HNF1B: variants seen among roughly 807,000 people sequenced by gnomAD.
The protein encoded by HNF1B is HNF1 homeobox B.
A neutral mutation model predicts 61.7 loss-of-function variants in HNF1B; 8 were observed. The observed-to-expected ratio is 0.13, with a 90% CI of 0.08 to 0.23. The LOEUF (loss-of-function observed/expected upper bound fraction) is 0.23. HNF1B is among the 10% of genes least tolerant of loss of function. HNF1B has a pLI of 1.00. For synonymous variants in HNF1B, 314 were observed against 287.7 expected (o/e 1.09, Z -0.93); for missense variants, 562 against 714.5 (o/e 0.79, Z 2.43).
intron 4 of HNF1B, among the ~76,000 whole-genome samples, chr17:37,726,959 A>ACCCCTCCT (rs1202451962): frequency 6.6e-6 from 1 of 151,748 alleles, no homozygotes; most frequent in Non-Finnish European, 1.5e-5. Flanking sequence ...AAGACCTTTT[A>ACCCCTCCT]CCCCTCCTCT....
chr17:37,713,960 T>C (rs1049254362), intron 4 of HNF1B, among the ~76,000 whole-genome samples: 1 of 152,192 alleles, frequency 6.6e-6, no homozygotes, highest in Non-Finnish European at 1.5e-5. Flanking sequence ...TCCTCCTATA[T>C]TTCAAAAACT....
intron 4 of HNF1B, 123 bp from the exon 5 acceptor site, chr17:37,710,786 TC>T: frequency 1.1e-6 from 1 of 888,588 alleles, no homozygotes; most frequent in Non-Finnish European, 1.8e-6. Flanking sequence ...TCCTCCCCTG[TC>T]CACCCACAAG....
At chr17:37,709,782 C>G (rs2032872246) in intron 5 of HNF1B, among the ~76,000 whole-genome samples, 1 of 152,140 alleles carries the variant, frequency 6.6e-6, no homozygotes, top group Non-Finnish European at 1.5e-5. Flanking sequence ...GCTCATGCCC[C>G]CACCAAGTCT....
chr17:37,702,533 T>C (rs2147451204), intron 6 of HNF1B, among the ~76,000 whole-genome samples: 1 of 152,318 alleles, frequency 6.6e-6, no homozygotes, highest in East Asian at 1.9e-4. Flanking sequence ...ATGACCGTGT[T>C]TCCCTTTCCT....
intron 4 of HNF1B, among the ~76,000 whole-genome samples, chr17:37,713,312 C>A (rs17138478): frequency 0.11 from 17,018 of 152,164 alleles, 1,193 homozygotes; most frequent in East Asian, 0.26. Context: ...AAATATGGGT[C>A]ACAAGGAGGC....
intron 4 of HNF1B, chr17:37,720,817 G>C: frequency 1.0e-6 from 1 of 985,210 alleles, no homozygotes; most frequent in Non-Finnish European, 1.2e-6. Context: ...GAGACTTCAG[G>C]GACCTTCTTC....
chr17:37,687,180 G>A lies in HNF1B; in HGVS notation c.*192C>T, dbSNP rs560854033. 1.2e-6 allele frequency: 1 copy of A among 831,192 alleles called. No individual in the cohort carries two copies. The highest frequency in any genetic ancestry group is 2.6e-5 in the East Asian group (1 of 37,828). The allele number at this position is 831,192 out of a possible 1,614,324, so 51.5% of individuals were successfully genotyped here. ...CATTGTGGCAATACTGCATAGAAGGGAAACTGGGCTTCGGGCTGCGCCTCC... is the reference window on the plus strand; with the variant it reads ...CATTGTGGCAATACTGCATAGAAGGAAAACTGGGCTTCGGGCTGCGCCTCC... On this transcript the variant is annotated 3_prime_UTR_variant, in exon 9 of 9. Transcript: ENST00000617811.
At position 37,687,068 on chromosome 17, in the gene HNF1B, G is replaced by T; in HGVS notation, c.*304C>A. ...TTGTTCGATGAAGGATCACAACATA[G>T]ACAGTACGGCTTTCTTGCTTCCTCT... On this transcript the variant is annotated 3_prime_UTR_variant, in exon 9 of 9. Transcript: ENST00000617811. The T allele has an allele frequency of 3.4e-6, 2 of 595,492 alleles. No homozygotes were observed. Among genetic ancestry groups the T allele is most frequent in the Non-Finnish European group, 3.0e-6 (1 of 334,540 alleles). The allele number at this position is 595,492 out of a possible 1,614,324, so 36.9% of individuals were successfully genotyped here.
At chr17:37,743,631 G>A (rs1279072728) in intron 1 of HNF1B, among the ~76,000 whole-genome samples, 1 of 152,356 alleles carries the variant, frequency 6.6e-6, no homozygotes. Context: ...AGTGGCCCGG[G>A]AGCGACGTGC....
At position 37,693,091 on chromosome 17, in the gene HNF1B, G is replaced by A. The variant is rs779831731; in HGVS notation, c.1654-5699C>T. ...TGTAGTTCCAGTTACTTGGGAGGCT[G>A]AGGCGGGAGAATTGCTTGTACCCAG... On this transcript the variant is annotated intron_variant, in intron 8 of 8. Coordinates refer to ENST00000617811, the MANE Select transcript of HNF1B (RefSeq NM_000458.4). 1.9e-4 allele frequency among the ~76,000 whole-genome samples: 29 copies of A among 151,380 alleles called. 1 individual carries two copies. The highest frequency in any genetic ancestry group is 1.3e-3 in the Admixed American group (20 of 15,170).
At chr17:37,713,309 G>C (rs2032997103) in intron 4 of HNF1B, among the ~76,000 whole-genome samples, 1 of 152,050 alleles carries the variant, frequency 6.6e-6, no homozygotes, top group African/African-American at 2.4e-5. Context: ...ATCAAATATG[G>C]GTCACAAGGA....
At chr17:37,700,085 A>T (rs1045446944) in intron 7 of HNF1B, among the ~76,000 whole-genome samples, 4 of 150,398 alleles carry the variant, frequency 2.7e-5, no homozygotes, top group Non-Finnish European at 5.9e-5. Context: ...AGAGTGGCTA[A>T]GTAACTTGCA....
At chr17:37,687,469 G>T in intron 8 of HNF1B, 77 bp from the exon 9 acceptor site, 1 of 1,107,352 alleles carries the variant, frequency 9.0e-7, no homozygotes, top group Non-Finnish European at 1.4e-6. Context: ...GCTTCTCTAA[G>T]GGAGATGATG....
intron 4 of HNF1B, among the ~76,000 whole-genome samples, chr17:37,724,225 C>T (rs1028347555): frequency 1.3e-5 from 2 of 152,062 alleles, no homozygotes; most frequent in Admixed American, 6.6e-5. Flanking sequence ...GAATCTGTAT[C>T]CTAACACCCC....
intron 1 of HNF1B, 37 bp from the exon 2 acceptor site, chr17:37,739,676 A>C: frequency 6.6e-7 from 1 of 1,524,160 alleles, no homozygotes; most frequent in East Asian, 2.3e-5. Flanking sequence ...TACTAGTGGG[A>C]GACATCTGGG....
intron 8 of HNF1B, among the ~76,000 whole-genome samples, chr17:37,698,529 C>A (rs1843552335): frequency 6.6e-6 from 1 of 152,150 alleles, no homozygotes; most frequent in South Asian, 2.1e-4. Flanking sequence ...TGGATGCTTA[C>A]CCCTGGAAAA....
chr17:37,720,296 A>G (rs1328858522), intron 4 of HNF1B, among the ~76,000 whole-genome samples: 1 of 152,230 alleles, frequency 6.6e-6, no homozygotes, highest in East Asian at 1.9e-4. Context: ...TGAAAGTAGT[A>G]GAACATTAAA....
intron 8 of HNF1B, among the ~76,000 whole-genome samples, chr17:37,697,827 C>T (rs891612199): frequency 6.6e-6 from 1 of 152,176 alleles, no homozygotes. Context: ...AGCTCCAGAG[C>T]CCAGCTGCCC....
chr17:37,708,345 C>T (rs2032818842), intron 5 of HNF1B, among the ~76,000 whole-genome samples: 2 of 152,198 alleles, frequency 1.3e-5, no homozygotes, highest in African/African-American at 4.8e-5. Flanking sequence ...CAGGTGTTTG[C>T]TAACGTTGAG....
Sources: gnomAD v4.1 joint callset for allele counts (sites outside exome capture counted in the v4.1 genomes callset) on GRCh38, gnomAD v4.1.1 for gene constraint, MANE v1.5 for transcripts, NCBI Gene and HGNC (gene_info 2026-07-23, HGNC 2026-07-21) for gene names.